Variants in RNF19A observed in about 807,000 individuals in gnomAD.
The protein encoded by RNF19A is ring finger protein 19A, RBR E3 ubiquitin protein ligase.
A neutral mutation model predicts 75.7 loss-of-function variants in RNF19A; 32 were observed. The ratio of observed to expected loss-of-function variants is 0.42; its 90% CI spans 0.32 to 0.57. RNF19A has a LOEUF of 0.57. Among genes scored for constraint, RNF19A ranks in the 20% least tolerant of loss-of-function variants. The pLI, the probability that RNF19A is intolerant of heterozygous loss-of-function variation, is 0.10. For synonymous variants in RNF19A, 335 were observed against 345.2 expected (o/e 0.97, Z 0.33); for missense variants, 782 against 1,036.3 (o/e 0.75, Z 3.37).
chr8:100,321,542 A>G (rs182224774), intron 1 of RNF19A, among the ~76,000 whole-genome samples: 2 of 152,210 alleles, frequency 1.3e-5, no homozygotes, highest in African/African-American at 4.8e-5. Context: ...GTTGGAGTCA[A>G]CTTCTTTCAA....
intron 1 of RNF19A, among the ~76,000 whole-genome samples, chr8:100,295,963 G>A (rs1202485053): frequency 6.6e-6 from 1 of 152,096 alleles, no homozygotes; most frequent in Non-Finnish European, 1.5e-5. Context: ...CATGATCTAT[G>A]CTTACTTATA....
At chr8:100,268,972 A>G in intron 4 of RNF19A, 25 bp from the exon 5 acceptor site, 1 of 1,546,122 alleles carries the variant, frequency 6.5e-7, no homozygotes, top group Non-Finnish European at 8.8e-7. Flanking sequence ...TATAATGTAA[A>G]TAACTGCTGC....
chr8:100,324,989 C>T lies in RNF19A; in HGVS notation c.-243+11119G>A, dbSNP rs1030423030. ...TGGCACAACCTCAGCTTACTGCAAA[C>T]TCCACCTCCCAGGTTCAACCCATTC... On this transcript the variant is annotated intron_variant, in intron 1 of 3. Transcript: ENST00000519527. This position sits in a 1 kb window ranked among gnomAD's most constrained non-coding sequence, Gnocchi z 4.2. Among the ~76,000 whole-genome samples, 1 of 152,100 alleles carries T rather than the reference C, an allele frequency of 6.6e-6. No individual in the cohort carries two copies. The highest frequency in any genetic ancestry group is 1.5e-5 in the Non-Finnish European group (1 of 68,028).
intron 5 of RNF19A, among the ~76,000 whole-genome samples, chr8:100,266,808 T>G (rs951534535): frequency 1.3e-5 from 2 of 152,194 alleles, no homozygotes; most frequent in Non-Finnish European, 2.9e-5. Context: ...CCACCACACA[T>G]GGCCCAACAT....
chr8:100,259,068 C>A lies in RNF19A; in HGVS notation c.2005G>T (p.Ala669Ser). The change falls in exon 10 of 10, where the codon GCA becomes TCA. Residue 669 changes from alanine (A) to serine (S), a missense_variant. Physicochemically the swap from Ala to Ser is moderately conservative, Grantham distance 99. Around this residue, in one of 7 missense-constraint regions of RNF19A, gnomAD observed 442 missense variants for 541.6 expected, o/e 0.82. Coordinates refer to ENST00000341084, the MANE Select transcript of RNF19A (RefSeq NM_183419.4). This position sits in a 1 kb window ranked among gnomAD's most constrained non-coding sequence, Gnocchi z 4.5. ...TTACCACTTTTTGATTTTTTCCCTG[C>A]TGTTGCTTCTTTGGACCACTTGGTG... is the stretch of plus-strand genomic sequence containing the variant. ...SATKWSKEAT[A>S]GKKSKSGKLR... 7 of 1,614,112 alleles carry A rather than the reference C, an allele frequency of 4.3e-6. No homozygotes were observed. The highest frequency in any genetic ancestry group is 5.1e-6 in the Non-Finnish European group (6 of 1,180,012).
chr8:100,325,055 T>A lies in RNF19A; in HGVS notation c.-243+11053A>T, dbSNP rs548850156. ...TCGAGTAGCTGGAATTACAGGTGCC[T>A]ACCACCACAACCGGCTAATTTTTTG... On this transcript the variant is annotated intron_variant, in intron 1 of 3. Coordinates refer to the RNF19A transcript ENST00000519527. The surrounding 1 kb of genome is among the most constrained non-coding windows in gnomAD (Gnocchi z 4.3). Among the ~76,000 whole-genome samples, 1 of 152,032 alleles carries A rather than the reference T, an allele frequency of 6.6e-6. No individual in the cohort carries two copies. The highest frequency in any genetic ancestry group is 2.1e-4 in the South Asian group (1 of 4,818).
intron 1 of RNF19A, among the ~76,000 whole-genome samples, chr8:100,290,805 C>T (rs1436629629): frequency 6.6e-6 from 1 of 152,152 alleles, no homozygotes; most frequent in Non-Finnish European, 1.5e-5. Context: ...TAGATTATTG[C>T]TCCTAGGCTA....
chr8:100,306,690 A>G (rs2130222964), intron 1 of RNF19A, among the ~76,000 whole-genome samples: 1 of 152,352 alleles, frequency 6.6e-6, no homozygotes, highest in Non-Finnish European at 1.5e-5. Flanking sequence ...GTTTGGTTGA[A>G]GCCTACCACC....
At position 100,261,535 on chromosome 8, in the gene RNF19A, C is replaced by A. The variant is rs768613796; in HGVS notation, c.1682+7G>T. The A allele has an allele frequency of 6.2e-7, 1 of 1,613,136 alleles. No homozygotes were observed. On this transcript the variant is annotated splice_region_variant and intron_variant, in intron 8 of 9. Coordinates refer to ENST00000341084, the MANE Select transcript of RNF19A (RefSeq NM_183419.4). This position sits in a 1 kb window ranked among gnomAD's most constrained non-coding sequence, Gnocchi z 4.4. ...AAAGCAGAACCAAACCAAACCAAAA[C>A]ACACACCTGTTAAAACAGTTTACCA...
chr8:100,285,205 C>T (rs2129894650), intron 2 of RNF19A, among the ~76,000 whole-genome samples: 1 of 152,230 alleles, frequency 6.6e-6, no homozygotes, highest in African/African-American at 2.4e-5. Flanking sequence ...AATTTTAATA[C>T]ACAATGTGGC....
Position 100,259,264 on chromosome 8 carries a change from CAA to C in RNF19A, c.1827-20_1827-19del, listed in dbSNP as rs774372302. On this transcript the variant is annotated intron_variant, in intron 9 of 9. Coordinates refer to ENST00000341084, the MANE Select transcript of RNF19A (RefSeq NM_183419.4). This position sits in a 1 kb window ranked among gnomAD's most constrained non-coding sequence, Gnocchi z 4.5. Reference sequence around the variant, plus strand: ...TGCCTTCTCTGAAATATAAGAGTAACAAATACAAACATAATTGCTGACTTCTT... The same window carrying C: ...TGCCTTCTCTGAAATATAAGAGTAACATACAAACATAATTGCTGACTTCTT... 1.3e-6 allele frequency: 2 copies of C among 1,572,408 alleles called. No individual in the cohort carries two copies. The highest frequency in any genetic ancestry group is 3.5e-5 in the Admixed American group (2 of 57,038).
At position 100,259,907 on chromosome 8, in the gene RNF19A, G is replaced by A. The variant is rs756985494; in HGVS notation, c.1773C>T (p.Ala591=). Residue 591 remains alanine, a synonymous_variant, in exon 9 of 10, where the codon GCC becomes GCT. Transcript: ENST00000341084. The surrounding 1 kb of genome is among the most constrained non-coding windows in gnomAD (Gnocchi z 4.5). ...TVSLGTVSDN[A]STKAMAGSIL... ...TGGATCCTGCCATTGCTTTGGTGCT[G>A]GCATTATCACTAACTGTTCCCAAGC... The A allele has an allele frequency of 6.3e-5, 101 of 1,613,778 alleles. No individual in the cohort carries two copies. The South Asian group carries it at 1.0e-3, about 17-fold the overall frequency.
chr8:100,268,288 G>A (rs1184111601), intron 5 of RNF19A, among the ~76,000 whole-genome samples: 1 of 151,848 alleles, frequency 6.6e-6, no homozygotes, highest in Non-Finnish European at 1.5e-5. Context: ...AGTCACTGGT[G>A]TTTGGACTTT....
chr8:100,297,135 T>G (rs549165852), intron 1 of RNF19A, among the ~76,000 whole-genome samples: 1 of 152,370 alleles, frequency 6.6e-6, no homozygotes, highest in African/African-American at 2.4e-5. Flanking sequence ...TTATTCCTTA[T>G]GAGGTAAGTC....
chr8:100,318,039 C>T (rs1371868), intron 1 of RNF19A, among the ~76,000 whole-genome samples: 49,106 of 151,818 alleles, frequency 0.32, 8,628 homozygotes, highest in East Asian at 0.41. Context: ...TTCCTCCCCT[C>T]AGATTTCCTT....
At chr8:100,285,679 C>A (rs1477140737) in intron 2 of RNF19A, among the ~76,000 whole-genome samples, 1 of 151,524 alleles carries the variant, frequency 6.6e-6, no homozygotes, top group Non-Finnish European at 1.5e-5. Flanking sequence ...GTTGCCCAGG[C>A]TGGAGTATAG....
At chr8:100,273,627 T>A (rs935861028) in intron 3 of RNF19A, among the ~76,000 whole-genome samples, 1 of 152,206 alleles carries the variant, frequency 6.6e-6, no homozygotes, top group African/African-American at 2.4e-5. Flanking sequence ...TGTCGTTTTT[T>A]AATTTAATGA....
intron 2 of RNF19A, among the ~76,000 whole-genome samples, chr8:100,281,218 C>T (rs760658220): frequency 2.6e-5 from 4 of 152,188 alleles, no homozygotes; most frequent in Non-Finnish European, 5.9e-5. Flanking sequence ...CAGGAAGGGG[C>T]TGAAACAGCA....
At chr8:100,310,552 G>A (rs1388608012), upstream of RNF19A, among the ~76,000 whole-genome samples, 1 of 152,238 alleles carries the variant, frequency 6.6e-6, no homozygotes, top group African/African-American at 2.4e-5. Context: ...TCACCTGCTA[G>A]ATTGGCAGGC....
Sources: gnomAD v4.1 joint callset for allele counts (sites outside exome capture counted in the v4.1 genomes callset) on GRCh38, gnomAD v4.1.1 for gene constraint, gnomAD v4.1.1 regional missense constraint, Gnocchi (gnomAD v3.1) non-coding constraint, MANE v1.5 for transcripts, NCBI Gene and HGNC (gene_info 2026-07-23, HGNC 2026-07-21) for gene names.